The following TPST1 variants were observed in gnomAD, a reference collection of about 807,000 sequenced individuals.
TPST1 encodes the protein tyrosylprotein sulfotransferase 1, also known as protein-tyrosine sulfotransferase 1.
A neutral mutation model predicts 34.8 loss-of-function variants in TPST1; 20 were observed. That is an observed-to-expected ratio of 0.57 (90% confidence interval 0.40 to 0.84). The LOEUF (loss-of-function observed/expected upper bound fraction) is 0.84, where lower values mean the gene tolerates loss of function less well. TPST1 is among the 40% of genes least tolerant of loss of function. TPST1 has a pLI of 0.00. For missense variants in TPST1, 353 were observed against 455.5 expected, an observed-to-expected ratio of 0.78 and a Z score of 2.05; for synonymous variants, 152 against 159.4, an observed-to-expected ratio of 0.95 and a Z score of 0.35.
At chr7:66,329,306 A>AT (rs906687129) in intron 3 of TPST1, among the ~76,000 whole-genome samples, 2 of 151,960 alleles carry the variant, frequency 1.3e-5, no homozygotes, top group Non-Finnish European at 2.9e-5. Flanking sequence ...ATTTTTTCCA[A>AT]TTTTTTATAG....
intron 1 of TPST1, among the ~76,000 whole-genome samples, chr7:66,227,871 G>A: frequency 6.6e-6 from 1 of 151,952 alleles, no homozygotes; most frequent in South Asian, 2.1e-4. Context: ...GAAAACAATC[G>A]TGTGTAAAGA....
chr7:66,227,028 C>CTTT lies in TPST1; in HGVS notation c.-101-13276_-101-13274dup, dbSNP rs546339747. Among the ~76,000 whole-genome samples, 120 of 69,184 alleles carry CTTT rather than the reference C, an allele frequency of 1.7e-3. 27 individuals carry two copies. The highest frequency in any genetic ancestry group is 5.6e-3 in the African/African-American group (84 of 14,886). 45.4% of individuals were successfully genotyped at this position (69,184 alleles called of 152,430 possible). A position where few individuals can be genotyped will look rare whatever the true frequency, so the allele number is the denominator to read the frequency against. On this transcript the variant is annotated intron_variant, in intron 1 of 5. Coordinates refer to ENST00000304842, the MANE Select transcript of TPST1 (RefSeq NM_003596.4). Reference sequence around the variant, plus strand: ...TTGGTGTTGGATGCCTTAAAATAAGCTTTTTTTTTTTTTTTTTTTTTTTGA... The same window carrying CTTT: ...TTGGTGTTGGATGCCTTAAAATAAGCTTTTTTTTTTTTTTTTTTTTTTTTTTGA...
At chr7:66,279,553 C>T (rs1301096649) in intron 2 of TPST1, among the ~76,000 whole-genome samples, 1 of 152,174 alleles carries the variant, frequency 6.6e-6, no homozygotes, top group Non-Finnish European at 1.5e-5. Context: ...CAGATATAAG[C>T]ATACTCTTTT....
chr7:66,313,281 G>T (rs1447894252), intron 3 of TPST1, among the ~76,000 whole-genome samples: 1 of 152,058 alleles, frequency 6.6e-6, no homozygotes, highest in Non-Finnish European at 1.5e-5. Context: ...TGGGTGTGGT[G>T]GCATGTGCCT....
chr7:66,318,755 C>T (rs965603034), intron 3 of TPST1, among the ~76,000 whole-genome samples: 6 of 152,178 alleles, frequency 3.9e-5, no homozygotes, highest in African/African-American at 1.4e-4. Flanking sequence ...TGAGCCACCA[C>T]GCCCAGCCTA....
At position 66,352,549 on chromosome 7, in the gene TPST1, A is replaced by C. The variant is rs1310198142; in HGVS notation, c.1089A>C (p.Lys363Asn). 6.2e-7 allele frequency: 1 copy of C among 1,613,096 alleles called. No homozygotes were observed. Among genetic ancestry groups the C allele is most frequent in the Non-Finnish European group, 8.5e-7 (1 of 1,179,766 alleles). ...EFQLPDFLKE[K>N]PQTEQVE is the part of the protein sequence containing the mutation. Reference sequence around the variant, plus strand: ...AACTACCTGACTTTCTTAAAGAAAAACCACAGGTACTGTGTCTGCTTTTTC... The same window carrying C: ...AACTACCTGACTTTCTTAAAGAAAACCCACAGGTACTGTGTCTGCTTTTTC... The change falls in exon 4 of 6, where the codon AAA becomes AAC. Residue 363 changes from lysine to asparagine, a missense_variant. Transcript: ENST00000304842.
intron 1 of TPST1, among the ~76,000 whole-genome samples, chr7:66,216,594 C>T (rs962427080): frequency 3.3e-5 from 5 of 151,998 alleles, no homozygotes; most frequent in Admixed American, 6.6e-5. Context: ...CTCGGCCTCC[C>T]GAGTAGCTGG....
Position 66,339,990 on chromosome 7 carries a change from A to G in TPST1, c.1045-12515A>G, listed in dbSNP as rs1397093414. ...TTCAATAGATGCTCAAAAAGCATTC[A>G]GTAGAATTCAGCATCCCTTCTTGAT... On this transcript the variant is annotated intron_variant, in intron 3 of 5. Transcript: ENST00000304842. Among the ~76,000 whole-genome samples, 3 of 152,220 alleles carry G rather than the reference A, an allele frequency of 2.0e-5. No individual in the cohort carries two copies. The East Asian group carries it at 5.8e-4, about 29-fold the overall frequency.
At chr7:66,349,097 A>G (rs1253452679) in intron 3 of TPST1, among the ~76,000 whole-genome samples, 1 of 152,222 alleles carries the variant, frequency 6.6e-6, no homozygotes, top group Admixed American at 6.5e-5. Flanking sequence ...GCTAAAGGCA[A>G]TGTGGGATGC....
intron 1 of TPST1, among the ~76,000 whole-genome samples, chr7:66,214,746 G>A (rs1789352249): frequency 6.6e-6 from 1 of 150,952 alleles, no homozygotes; most frequent in South Asian, 2.1e-4. Flanking sequence ...GAACCTGGGA[G>A]GGGAGGCGAG....
At chr7:66,219,047 A>ATT (rs376698635) in intron 1 of TPST1, among the ~76,000 whole-genome samples, 2,289 of 108,536 alleles carry the variant, frequency 0.021, 50 homozygotes, top group African/African-American at 0.055. Flanking sequence ...CGCCTGGCTA[A>ATT]TTTTTTTTTT....
intron 1 of TPST1, among the ~76,000 whole-genome samples, chr7:66,233,816 A>G (rs781761714): frequency 6.6e-6 from 1 of 152,008 alleles, no homozygotes; most frequent in Non-Finnish European, 1.5e-5. Context: ...CCTTTCACCC[A>G]CTTTCCCTCT....
At chr7:66,207,454 C>T (rs1335314667) in intron 1 of TPST1, among the ~76,000 whole-genome samples, 1 of 152,196 alleles carries the variant, frequency 6.6e-6, no homozygotes, top group Non-Finnish European at 1.5e-5. Flanking sequence ...CGAAAGCTAA[C>T]GTCTTTGATC....
intron 3 of TPST1, among the ~76,000 whole-genome samples, chr7:66,319,461 T>C (rs1336272832): frequency 6.6e-6 from 1 of 152,246 alleles, no homozygotes; most frequent in Non-Finnish European, 1.5e-5. Context: ...TGATCTGAAG[T>C]GTTTCAGCAG....
intron 2 of TPST1, 38 bp from the exon 3 acceptor site, chr7:66,286,473 T>A (rs4291144): frequency 0.17 from 242,930 of 1,396,674 alleles, 22,784 homozygotes; most frequent in Non-Finnish European, 0.19. Context: ...TTCTAAAAAA[T>A]TTTAAATAAA....
chr7:66,298,257 A>G (rs988124289), intron 3 of TPST1, among the ~76,000 whole-genome samples: 1 of 152,150 alleles, frequency 6.6e-6, no homozygotes, highest in African/African-American at 2.4e-5. Flanking sequence ...TAATGTTGGG[A>G]AAATTATGAA....
chr7:66,250,145 A>G (rs1227561630), intron 2 of TPST1, among the ~76,000 whole-genome samples: 1 of 152,184 alleles, frequency 6.6e-6, no homozygotes, highest in Non-Finnish European at 1.5e-5. Flanking sequence ...AACATTTGTT[A>G]TGTGCCAGGC....
intron 2 of TPST1, among the ~76,000 whole-genome samples, chr7:66,278,405 A>T (rs1332431448): frequency 6.6e-6 from 1 of 152,140 alleles, no homozygotes. Flanking sequence ...AGTTTGGACT[A>T]TGTTGAGCTT....
chr7:66,298,136 A>C (rs1029364138), intron 3 of TPST1, among the ~76,000 whole-genome samples: 1 of 152,188 alleles, frequency 6.6e-6, no homozygotes, highest in Non-Finnish European at 1.5e-5. Context: ...GATCAGTTGA[A>C]AAAATATGTA....
Sources: allele counts gnomAD v4.1 joint callset (sites outside exome capture counted in the v4.1 genomes callset), GRCh38; gene constraint gnomAD v4.1.1; transcripts MANE v1.5; gene names NCBI Gene and HGNC (gene_info 2026-07-23, HGNC 2026-07-21).